The following TNN variants were observed in gnomAD, a reference collection of about 807,000 sequenced individuals.
TNN encodes the protein tenascin-N.
TNN carries 122 observed loss-of-function variants against 134.4 expected under a neutral mutation model. That is an observed-to-expected ratio of 0.91 (90% CI 0.78 to 1.06). TNN has a LOEUF of 1.06. Among genes scored for constraint, TNN ranks in the 50% least tolerant of loss-of-function variants. TNN has a pLI of 0.00. For missense variants in TNN, 1,739 were observed against 1,699.4 expected, an observed-to-expected ratio of 1.02 and a Z score of -0.41; for synonymous variants, 710 against 670.3, an observed-to-expected ratio of 1.06 and a Z score of -0.91.
At chr1:175,077,185 T>C (rs1459943308) in intron 1 of TNN, among the ~76,000 whole-genome samples, 199 bp from the exon 2 acceptor site, 1 of 152,102 alleles carries the variant, frequency 6.6e-6, no homozygotes, top group Non-Finnish European at 1.5e-5. Flanking sequence ...GTGTGAACAG[T>C]AAGCAAAGAG....
rs561747005 is a variant in TNN at position 175,129,209 on chromosome 1, T to A, written c.3330+463T>A. On this transcript the variant is annotated intron_variant, in intron 15 of 18. Transcript: ENST00000239462. ...TCTTAATTACTATATTTTGCGAGAA[T>A]CAATATTATTATATTTAAAGCAACA... Among the ~76,000 whole-genome samples, 30 of 152,336 alleles carry A rather than the reference T, an allele frequency of 2.0e-4. 1 individual carries two copies. In the South Asian group the frequency reaches 6.0e-3, roughly 30 times the overall value.
At chr1:175,141,262 T>C (rs1173349145) in intron 17 of TNN, among the ~76,000 whole-genome samples, 1 of 152,182 alleles carries the variant, frequency 6.6e-6, no homozygotes, top group Non-Finnish European at 1.5e-5. Flanking sequence ...TATTTAGAGA[T>C]CATAATGCAA....
chr1:175,110,732 G>A (rs929589097), intron 9 of TNN, among the ~76,000 whole-genome samples: 4 of 152,146 alleles, frequency 2.6e-5, no homozygotes, highest in South Asian at 2.1e-4. Flanking sequence ...CTATGTGTCC[G>A]TTTTTATGCC....
At chr1:175,072,926 C>CTTTTTTTTTTTT (rs60879960) in intron 1 of TNN, among the ~76,000 whole-genome samples, 35 of 46,764 alleles carry the variant, frequency 7.5e-4, no homozygotes, top group Middle Eastern at 0.018. Context: ...GAGTCCACGG[C>CTTTTTTTTTTTT]TTTTTTTTTT....
chr1:175,142,291 T>G (rs1313110963), intron 17 of TNN, among the ~76,000 whole-genome samples: 1 of 152,194 alleles, frequency 6.6e-6, no homozygotes, highest in Non-Finnish European at 1.5e-5. Flanking sequence ...GCTGGTGAGA[T>G]TGCAGACTTG....
At chr1:175,079,782 G>T in intron 3 of TNN, 75 bp downstream of exon 3, 1 of 1,483,068 alleles carries the variant, frequency 6.7e-7, no homozygotes. Flanking sequence ...ATTACACGTT[G>T]TCATCTTTGG....
rs902735488 is a variant in TNN, at chr1:175,102,615, A to G, written c.2119+4020A>G. On this transcript the variant is annotated intron_variant, in intron 9 of 18. Transcript: ENST00000239462. ...TCTGAGTGCGGGGCCCTCCAAGCCC[A>G]TGCCCACCTAGAACTCCAGCTGGCC... Among the ~76,000 whole-genome samples the G allele has an allele frequency of 2.1e-5, 3 of 145,782 alleles. 1 individual carries two copies. Among genetic ancestry groups the G allele is most frequent in the Non-Finnish European group, 4.6e-5 (3 of 65,538 alleles).
intron 9 of TNN, among the ~76,000 whole-genome samples, chr1:175,100,505 G>A (rs1260040750): frequency 6.6e-6 from 1 of 152,214 alleles, no homozygotes; most frequent in Non-Finnish European, 1.5e-5. Flanking sequence ...GTCTTTTATA[G>A]GGCGAAAATG....
At chr1:175,139,300 C>A (rs191799777) in intron 17 of TNN, among the ~76,000 whole-genome samples, 1 of 152,180 alleles carries the variant, frequency 6.6e-6, no homozygotes, top group Admixed American at 6.5e-5. Context: ...AAAACATAAG[C>A]ACATTGTGCA....
intron 9 of TNN, among the ~76,000 whole-genome samples, chr1:175,112,787 T>C (rs569254567): frequency 4.6e-5 from 7 of 151,438 alleles, no homozygotes; most frequent in African/African-American, 1.7e-4. Context: ...CTGGCTAATT[T>C]TTTTTTGTAT....
rs191934141 is a variant in TNN, at chr1:175,105,527, G to A, written c.2119+6932G>A. Among the ~76,000 whole-genome samples the A allele has an allele frequency of 3.8e-3, 547 of 145,582 alleles. 24 individuals are homozygous for A. The highest frequency in any genetic ancestry group is 0.012 in the African/African-American group (500 of 40,408). On this transcript the variant is annotated intron_variant, in intron 9 of 18. Transcript: ENST00000239462. Reference sequence around the variant, plus strand: ...TAAATTGCAAGCTTTGCATAGTTGTGTATTCTCCCTCAATGAAAAGAAAGC... The same window carrying A: ...TAAATTGCAAGCTTTGCATAGTTGTATATTCTCCCTCAATGAAAAGAAAGC...
intron 4 of TNN, 59 bp downstream of exon 4, chr1:175,080,485 C>A (rs1380471165): frequency 2.5e-6 from 4 of 1,597,954 alleles, no homozygotes; most frequent in Non-Finnish European, 3.4e-6. Flanking sequence ...TAAATGGTTT[C>A]TTTCATTAAA....
intron 1 of TNN, among the ~76,000 whole-genome samples, chr1:175,069,575 A>C (rs762696365): frequency 1.3e-5 from 2 of 152,230 alleles, no homozygotes; most frequent in Non-Finnish European, 1.5e-5. Context: ...GCCCAGGCCC[A>C]GTGGAAACTT....
intron 15 of TNN, among the ~76,000 whole-genome samples, chr1:175,133,729 T>C (rs1476799621): frequency 2.0e-5 from 3 of 152,228 alleles, no homozygotes; most frequent in Admixed American, 2.0e-4. Flanking sequence ...GGTCCCATGC[T>C]TCTCTGTACT....
rs1482129035 is a variant in TNN at position 175,098,522 on chromosome 1, G to T, written c.2046G>T (p.Met682Ile). 6.2e-7 allele frequency: 1 copy of T among 1,614,180 alleles called. No individual in the cohort carries two copies. Among genetic ancestry groups the T allele is most frequent in the Non-Finnish European group, 8.5e-7 (1 of 1,180,034 alleles). The change falls in exon 9 of 19, where the codon ATG becomes ATT. Residue 682 changes from methionine (M) to isoleucine (I), a missense_variant. By Grantham distance (10) the Met-to-Ile change is conservative. Transcript: ENST00000239462. ...TCCTGACAGGCCTGAGACCGGGTAT[G>T]GAGTACATGGTGCACGTGTGGGCCC... ...STVLTGLRPGMEYMVHVWAQK... is the reference protein window; with the variant it reads ...STVLTGLRPGIEYMVHVWAQK...
chr1:175,095,069 C>G (rs1350640321), intron 7 of TNN, among the ~76,000 whole-genome samples: 1 of 152,178 alleles, frequency 6.6e-6, no homozygotes, highest in African/African-American at 2.4e-5. Context: ...GAGCAAGTTA[C>G]TTTACTTCCG....
chr1:175,128,520 C>A, intron 14 of TNN, 75 bp from the exon 15 acceptor site: 2 of 1,474,914 alleles, frequency 1.4e-6, no homozygotes, highest in South Asian at 1.4e-5. Flanking sequence ...AATAAATTGC[C>A]TTAAAATAGG....
rs1199099078 is a variant in TNN, at chr1:175,125,705, CTT to C, written c.2915-1248_2915-1247del. Among the ~76,000 whole-genome samples the C allele has an allele frequency of 2.4e-3, 18 of 7,518 alleles. No individual in the cohort carries two copies. In the East Asian group the frequency reaches 0.026, roughly 11 times the overall value. The allele number at this position is 7,518 out of a possible 152,430, so 4.9% of individuals were successfully genotyped here. On this transcript the variant is annotated intron_variant, in intron 12 of 18. Coordinates refer to ENST00000239462, the MANE Select transcript of TNN (RefSeq NM_022093.2). The stretch of plus-strand genomic sequence containing the variant: ...TCCTTTCTTTCTCTCTTTTTTCTCT[CTT>C]TCTTTCTTTCTTTCTTTCTTTCTTT...
chr1:175,100,243 T>C (rs1177937498), intron 9 of TNN, among the ~76,000 whole-genome samples: 1 of 152,232 alleles, frequency 6.6e-6, no homozygotes, highest in South Asian at 2.1e-4. Flanking sequence ...ATCTTGTGCA[T>C]TGTAAGATGT....
Sources: allele counts gnomAD v4.1 joint callset (sites outside exome capture counted in the v4.1 genomes callset), GRCh38; gene constraint gnomAD v4.1.1; transcripts MANE v1.5; gene names NCBI Gene and HGNC (gene_info 2026-07-23, HGNC 2026-07-21).